The following LDLRAP1 variants were observed in gnomAD, a reference collection of about 807,000 sequenced individuals.
The protein encoded by LDLRAP1 is low density lipoprotein receptor adaptor protein 1.
LDLRAP1 carries 30 observed loss-of-function variants against 37.8 expected under a neutral mutation model. The ratio of observed to expected loss-of-function variants is 0.79; its 90% confidence interval spans 0.59 to 1.08. The LOEUF is 1.08. LDLRAP1 is among the 50% of genes least tolerant of loss of function. LDLRAP1 has a pLI of 0.00. For missense variants in LDLRAP1, 375 were observed against 401.6 expected, an observed-to-expected ratio of 0.93 and a Z score of 0.57; for synonymous variants, 156 against 169.8, an observed-to-expected ratio of 0.92 and a Z score of 0.63.
intron 4 of LDLRAP1, 120 bp from the exon 5 acceptor site, chr1:25,562,524 C>G: frequency 1.3e-6 from 1 of 799,306 alleles, no homozygotes; most frequent in South Asian, 1.4e-5. Flanking sequence ...TGGGATGGAG[C>G]TGCAGAAGCT....
intron 7 of LDLRAP1, 43 bp from the exon 8 acceptor site, chr1:25,565,130 T>TC (rs2044442488): frequency 6.2e-7 from 1 of 1,608,888 alleles, no homozygotes; most frequent in Non-Finnish European, 8.5e-7. Context: ...GAGCATGGGC[T>TC]CCCCCAAACA....
intron 6 of LDLRAP1, 118 bp downstream of exon 6, chr1:25,563,271 T>G: frequency 1.4e-6 from 1 of 728,560 alleles, no homozygotes; most frequent in South Asian, 1.8e-5. Context: ...TGTGTTTTGT[T>G]AAATAAATAA....
Position 25,563,646 on chromosome 1 carries a change from C to CCG in LDLRAP1, c.617-14_617-13dup, listed in dbSNP as rs1415213185. On this transcript the variant is annotated splice_polypyrimidine_tract_variant and intron_variant, in intron 6 of 8. Transcript: ENST00000374338. Reference sequence around the variant, plus strand: ...GGCTGATCTCCCACTGACAACCTGACCGGATCCCTCACAGTGGTCGCCACT... The same window carrying CCG: ...GGCTGATCTCCCACTGACAACCTGACCGCGGATCCCTCACAGTGGTCGCCACT... 2.5e-6 allele frequency: 4 copies of CCG among 1,612,978 alleles called. No homozygotes were observed. The African/African-American group carries it at 5.3e-5, about 22-fold the overall frequency.
intron 4 of LDLRAP1, among the ~76,000 whole-genome samples, chr1:25,561,382 A>G (rs1395850419): frequency 6.6e-6 from 1 of 152,238 alleles, no homozygotes; most frequent in Non-Finnish European, 1.5e-5. Context: ...ACTTTCGTGA[A>G]GTGTAATTGG....
chr1:25,549,805 G>C (rs758720105), intron 1 of LDLRAP1, among the ~76,000 whole-genome samples: 5 of 152,216 alleles, frequency 3.3e-5, no homozygotes, highest in African/African-American at 1.2e-4. Flanking sequence ...AGAGCTCCCA[G>C]GTGCTGGTTT....
chr1:25,574,316 G>A, the LDLRAP1 span, among the ~76,000 whole-genome samples: 3 of 152,322 alleles, frequency 2.0e-5, no homozygotes, highest in South Asian at 2.1e-4. Flanking sequence ...GTGGGGTCTC[G>A]AGGACACGAA....
chr1:25,579,464 C>T, the LDLRAP1 span, among the ~76,000 whole-genome samples: 2 of 152,188 alleles, frequency 1.3e-5, no homozygotes, highest in East Asian at 1.9e-4. Context: ...GCCGCTGTCA[C>T]GTGGTGATGC....
At chr1:25,563,233 G>A (rs1032877382) in intron 6 of LDLRAP1, 80 bp downstream of exon 6, 3 of 1,154,328 alleles carry the variant, frequency 2.6e-6, no homozygotes, top group Admixed American at 4.0e-5. Context: ...CTCCTGCCTG[G>A]GCTGGGAGAG....
intron 7 of LDLRAP1, chr1:25,563,994 C>T (rs1470437923): frequency 1.5e-6 from 1 of 667,346 alleles, no homozygotes; most frequent in East Asian, 2.8e-5. Context: ...ACAGGCTTGG[C>T]TCCCAGCACA....
chr1:25,576,516 A>C, the LDLRAP1 span, among the ~76,000 whole-genome samples: 1 of 152,228 alleles, frequency 6.6e-6, no homozygotes, highest in African/African-American at 2.4e-5. Flanking sequence ...ACAAGAGTGA[A>C]ACTCCATCTC....
intron 7 of LDLRAP1, 167 bp downstream of exon 7, chr1:25,563,958 C>T (rs1304622537): frequency 1.2e-6 from 1 of 811,902 alleles, no homozygotes; most frequent in Non-Finnish European, 2.0e-6. Flanking sequence ...AACAATGTCC[C>T]TTTTGAACCT....
At chr1:25,549,378 C>T (rs1338533469) in intron 1 of LDLRAP1, among the ~76,000 whole-genome samples, 1 of 152,212 alleles carries the variant, frequency 6.6e-6, no homozygotes, top group African/African-American at 2.4e-5. Context: ...TTGGCTGCAG[C>T]TCTGATGTTG....
chr1:25,565,100 C>A, intron 7 of LDLRAP1, 73 bp from the exon 8 acceptor site: 1 of 1,546,066 alleles, frequency 6.5e-7, no homozygotes, highest in Non-Finnish European at 8.9e-7. Context: ...TTACCCAGGG[C>A]TGGGACAAGC....
chr1:25,563,392 A>G (rs933870433), intron 6 of LDLRAP1, among the ~76,000 whole-genome samples: 4 of 152,030 alleles, frequency 2.6e-5, no homozygotes, highest in Non-Finnish European at 5.9e-5. Context: ...ATATGCGTCT[A>G]TCTTTCTATA....
intron 1 of LDLRAP1, among the ~76,000 whole-genome samples, chr1:25,548,038 C>T (rs2043978982): frequency 6.6e-6 from 1 of 152,190 alleles, no homozygotes; most frequent in African/African-American, 2.4e-5. Context: ...TCTGCCTGAC[C>T]CCAGCAAGGG....
At chr1:25,579,143 C>T in the LDLRAP1 span, among the ~76,000 whole-genome samples, 244 of 152,300 alleles carry the variant, frequency 1.6e-3, no homozygotes, top group Middle Eastern at 0.014. Flanking sequence ...TGTCAGGCTA[C>T]CAACATGACA....
At chr1:25,557,506 G>T (rs1005887117) in intron 4 of LDLRAP1, 6 of 579,646 alleles carry the variant, frequency 1.0e-5, no homozygotes, top group African/African-American at 7.5e-5. Flanking sequence ...CATGTCCCCA[G>T]TGTGTGTCTG....
downstream of LDLRAP1, among the ~76,000 whole-genome samples, chr1:25,569,133 C>G (rs1014661007): frequency 1.1e-4 from 16 of 152,248 alleles, no homozygotes; most frequent in African/African-American, 3.6e-4. Flanking sequence ...GGATCTGGTG[C>G]ATCGGCTGAA....
intron 1 of LDLRAP1, among the ~76,000 whole-genome samples, chr1:25,548,216 T>C (rs1473352480): frequency 1.3e-5 from 2 of 152,208 alleles, no homozygotes; most frequent in African/African-American, 2.4e-5. Context: ...TCTTTGCATT[T>C]GACCACTGTA....
Sources: allele counts gnomAD v4.1 joint callset (sites outside exome capture counted in the v4.1 genomes callset), GRCh38; gene constraint gnomAD v4.1.1; transcripts MANE v1.5; gene names NCBI Gene and HGNC (gene_info 2026-07-23, HGNC 2026-07-21).